Variants in SRPK2 observed in about 807,000 individuals in gnomAD.
SRPK2 encodes SRSF protein kinase 2.
SRPK2 carries 21 observed loss-of-function variants against 90.8 expected under a neutral mutation model. That is an observed-to-expected ratio of 0.23 (90% CI 0.16 to 0.33). The LOEUF (loss-of-function observed/expected upper bound fraction) is 0.33. Among genes scored for constraint, SRPK2 ranks in the 10% least tolerant of loss-of-function variants. SRPK2 has a pLI of 1.00. For synonymous variants in SRPK2, 288 were observed against 311.1 expected, an observed-to-expected ratio of 0.93 and a Z score of 0.78; for missense variants, 620 against 869.0, an observed-to-expected ratio of 0.71 and a Z score of 3.60.
intron 12 of SRPK2, 40 bp from the exon 13 acceptor site, chr7:105,132,938 A>T (rs758138658): frequency 1.9e-6 from 3 of 1,613,002 alleles, no homozygotes; most frequent in Admixed American, 1.7e-5. Context: ...AGCAACACAG[A>T]CATTCAAAAA....
intron 2 of SRPK2, among the ~76,000 whole-genome samples, chr7:105,249,882 A>G (rs1271870722): frequency 4.6e-5 from 7 of 152,244 alleles, no homozygotes; most frequent in Admixed American, 4.6e-4. Context: ...TCAAATGTGG[A>G]GATTCCTCCT....
chr7:105,259,360 T>C (rs1382673689), intron 2 of SRPK2, among the ~76,000 whole-genome samples: 8 of 152,028 alleles, frequency 5.3e-5, no homozygotes, highest in Non-Finnish European at 8.8e-5. Context: ...AGACTACAAA[T>C]CACTGCTGAA....
At chr7:105,144,621 A>G (rs977110463) in intron 9 of SRPK2, among the ~76,000 whole-genome samples, 1 of 152,232 alleles carries the variant, frequency 6.6e-6, no homozygotes, top group African/African-American at 2.4e-5. Flanking sequence ...GGAAAAAATT[A>G]GAACAACAGC....
intron 2 of SRPK2, among the ~76,000 whole-genome samples, chr7:105,284,170 G>A (rs1807721484): frequency 6.6e-6 from 1 of 152,174 alleles, no homozygotes; most frequent in Non-Finnish European, 1.5e-5. Flanking sequence ...CCACAGCTGT[G>A]CTGCCGAGCA....
At chr7:105,381,140 A>C (rs1563313228) in intron 2 of SRPK2, among the ~76,000 whole-genome samples, 1 of 151,972 alleles carries the variant, frequency 6.6e-6, no homozygotes, top group Non-Finnish European at 1.5e-5. Flanking sequence ...GCTACTTGGG[A>C]GGCTGAGGCA....
chr7:105,359,118 G>A (rs1458439895), intron 2 of SRPK2, among the ~76,000 whole-genome samples: 2 of 150,306 alleles, frequency 1.3e-5, no homozygotes, highest in African/African-American at 2.4e-5. Context: ...ATGAGGCTTG[G>A]AGAGGTCAAA....
chr7:105,285,713 A>G (rs1243395992), intron 2 of SRPK2, among the ~76,000 whole-genome samples: 4 of 152,154 alleles, frequency 2.6e-5, no homozygotes, highest in Non-Finnish European at 4.4e-5. Flanking sequence ...CTCTTGCTCC[A>G]GCTCTTACCA....
intron 2 of SRPK2, among the ~76,000 whole-genome samples, chr7:105,213,905 G>A (rs1472608894): frequency 1.3e-5 from 2 of 152,114 alleles, no homozygotes; most frequent in Non-Finnish European, 2.9e-5. Flanking sequence ...TAGATCTAAA[G>A]GCATACACAA....
intron 2 of SRPK2, among the ~76,000 whole-genome samples, chr7:105,264,400 T>C (rs781526660): frequency 2.0e-5 from 3 of 152,212 alleles, no homozygotes; most frequent in Non-Finnish European, 4.4e-5. Context: ...GAAATACCCT[T>C]ATATTGGAGA....
chr7:105,196,033 A>C (rs541042647), intron 3 of SRPK2, among the ~76,000 whole-genome samples: 2 of 152,346 alleles, frequency 1.3e-5, no homozygotes, highest in Non-Finnish European at 2.9e-5. Context: ...GCCTCAATGA[A>C]TAAACCATGA....
At chr7:105,150,050 C>CAAA (rs3216266) in intron 7 of SRPK2, among the ~76,000 whole-genome samples, 1 of 137,656 alleles carries the variant, frequency 7.3e-6, no homozygotes, top group African/African-American at 2.7e-5. Context: ...GGTAATTGGC[C>CAAA]AAAAAAAAAA....
intron 2 of SRPK2, among the ~76,000 whole-genome samples, chr7:105,351,765 T>C (rs1293163169): frequency 1.6e-4 from 24 of 148,902 alleles, no homozygotes; most frequent in Admixed American, 8.0e-4. Flanking sequence ...GATTGTGCCA[T>C]TGCACTCCAG....
rs556687655 is a variant in SRPK2, at chr7:105,142,406, G to T, written c.1145C>A (p.Ala382Glu). Residue 382 changes from alanine (A) to glutamate (E), a missense_variant, in exon 11 of 16, where the codon GCG becomes GAG. Transcript: ENST00000393651. ...KDEDDVDQELANIDPTWIESP... is the reference protein window; with the variant it reads ...KDEDDVDQELENIDPTWIESP... Reference sequence around the variant, plus strand: ...TTCTATCCACGTAGGGTCTATGTTCGCAAGTTCCTGATCTACATCATCTTC... The same window carrying T: ...TTCTATCCACGTAGGGTCTATGTTCTCAAGTTCCTGATCTACATCATCTTC... The T allele has an allele frequency of 2.7e-5, 44 of 1,613,978 alleles. No homozygotes were observed. The Admixed American group carries it at 3.2e-4, about 12-fold the overall frequency.
chr7:105,358,240 A>C (rs1246424631), intron 2 of SRPK2, among the ~76,000 whole-genome samples: 1 of 150,818 alleles, frequency 6.6e-6, no homozygotes, highest in African/African-American at 2.4e-5. Flanking sequence ...AAAAAAAAAA[A>C]AAAAACACCC....
chr7:105,338,174 A>G (rs1815330977), intron 2 of SRPK2, among the ~76,000 whole-genome samples: 1 of 152,190 alleles, frequency 6.6e-6, no homozygotes, highest in African/African-American at 2.4e-5. Flanking sequence ...AATTATTACA[A>G]GGCAAAAATA....
intron 2 of SRPK2, among the ~76,000 whole-genome samples, chr7:105,258,990 C>T (rs1803788333): frequency 6.6e-6 from 1 of 152,108 alleles, no homozygotes; most frequent in South Asian, 2.1e-4. Context: ...ACAGGGATGC[C>T]CTCTCTCACC....
At chr7:105,179,290 C>T (rs1478356416) in intron 3 of SRPK2, among the ~76,000 whole-genome samples, 1 of 152,188 alleles carries the variant, frequency 6.6e-6, no homozygotes, top group African/African-American at 2.4e-5. Context: ...CTTGCCCCAG[C>T]TACCTCACTC....
At chr7:105,282,387 G>A (rs12532188) in intron 2 of SRPK2, among the ~76,000 whole-genome samples, 66,684 of 152,078 alleles carry the variant, frequency 0.44, 15,894 homozygotes, top group South Asian at 0.53. Context: ...ACATAGAAAT[G>A]AATCTTCATA....
intron 2 of SRPK2, among the ~76,000 whole-genome samples, chr7:105,284,561 T>C (rs1056716939): frequency 2.0e-5 from 3 of 152,170 alleles, no homozygotes; most frequent in African/African-American, 7.2e-5. Context: ...AAAAATCTTA[T>C]ATCATGCTGG....
Sources: gnomAD v4.1 joint callset for allele counts (sites outside exome capture counted in the v4.1 genomes callset) on GRCh38, gnomAD v4.1.1 for gene constraint, MANE v1.5 for transcripts, NCBI Gene and HGNC (gene_info 2026-07-23, HGNC 2026-07-21) for gene names.